BAIAP2: variants seen among roughly 807,000 people sequenced by gnomAD.
The protein encoded by BAIAP2 is BAR/IMD domain containing adaptor protein 2.
In BAIAP2, 18 loss-of-function variants were observed where a neutral mutation model predicts 63.0. The observed-to-expected ratio is 0.29, with a 90% confidence interval of 0.20 to 0.42. The LOEUF is 0.42. Ranked by LOEUF, BAIAP2 falls within the 10% of genes least tolerant of loss-of-function variation. BAIAP2 has a pLI of 1.00. For missense variants in BAIAP2, 610 were observed against 734.3 expected (o/e 0.83, Z 1.96); for synonymous variants, 386 against 307.6 (o/e 1.25, Z -2.67).
intron 13 of BAIAP2, chr17:81,109,866 A>T (rs535174634): frequency 5.4e-5 from 53 of 985,196 alleles, no homozygotes; most frequent in Admixed American, 6.1e-5. Context: ...GCCCCGGGCT[A>T]CCTGGCTGCT....
chr17:81,102,259 CAG>C (rs893611115), intron 7 of BAIAP2, among the ~76,000 whole-genome samples: 13 of 152,154 alleles, frequency 8.5e-5, no homozygotes, highest in South Asian at 2.1e-4. Flanking sequence ...TCGGGGCTCT[CAG>C]GGTGCGGGGG....
intron 1 of BAIAP2, among the ~76,000 whole-genome samples, chr17:81,049,002 C>T (rs1011231194): frequency 2.0e-5 from 3 of 152,212 alleles, no homozygotes; most frequent in South Asian, 2.1e-4. Flanking sequence ...GCAGGCCGGC[C>T]CAGGACCCCC....
Position 81,046,972 on chromosome 17 carries a change from G to A in BAIAP2, c.55-6696G>A, listed in dbSNP as rs983141142. Among the ~76,000 whole-genome samples the A allele has an allele frequency of 2.0e-5, 3 of 152,188 alleles. No homozygotes were observed. The highest frequency in any genetic ancestry group is 4.4e-5 in the Non-Finnish European group (3 of 68,022). ...GCTGCCACCGGCTTCTGCCTGTCGC[G>A]ACAGAGGTGGAAGTGAGGGCGGTGG... On this transcript the variant is annotated intron_variant, in intron 1 of 13. Transcript: ENST00000428708. This position sits in a 1 kb window ranked among gnomAD's most constrained non-coding sequence, Gnocchi z 4.5.
At chr17:81,054,748 T>G (rs1260160658) in intron 2 of BAIAP2, among the ~76,000 whole-genome samples, 1 of 152,118 alleles carries the variant, frequency 6.6e-6, no homozygotes, top group Admixed American at 6.5e-5. Context: ...TCCCACTGTC[T>G]CCCTGAGACG....
intron 6 of BAIAP2, among the ~76,000 whole-genome samples, chr17:81,097,126 C>T (rs975421844): frequency 2.0e-5 from 3 of 152,214 alleles, no homozygotes; most frequent in Admixed American, 6.5e-5. Flanking sequence ...CATCTCAGGT[C>T]CCCTTTAGGT....
intron 3 of BAIAP2, among the ~76,000 whole-genome samples, chr17:81,069,153 G>A (rs1321140232): frequency 2.0e-5 from 3 of 152,166 alleles, no homozygotes; most frequent in Non-Finnish European, 2.9e-5. Context: ...TGGTAGCTCC[G>A]AATGGTGGGT....
At chr17:81,095,189 G>A (rs1243208976) in intron 6 of BAIAP2, among the ~76,000 whole-genome samples, 1 of 152,084 alleles carries the variant, frequency 6.6e-6, no homozygotes, top group African/African-American at 2.4e-5. Flanking sequence ...GGCGGGCGGG[G>A]ACTGGAGGGG....
At chr17:81,065,887 C>T (rs2051368852) in intron 3 of BAIAP2, among the ~76,000 whole-genome samples, 1 of 152,252 alleles carries the variant, frequency 6.6e-6, no homozygotes, top group South Asian at 2.1e-4. Flanking sequence ...TCTAATCACC[C>T]TGTAGAGAGT....
At chr17:81,038,894 C>A (rs1468392989) in intron 1 of BAIAP2, among the ~76,000 whole-genome samples, 1 of 27,782 alleles carries the variant, frequency 3.6e-5, no homozygotes, top group Non-Finnish European at 8.4e-5. Flanking sequence ...GAGTCGCCTT[C>A]CTGGGTGGGG....
chr17:81,086,369 G>A (rs1025396481), intron 5 of BAIAP2, 74 bp from the exon 6 acceptor site: 21 of 1,568,822 alleles, frequency 1.3e-5, no homozygotes, highest in Non-Finnish European at 1.6e-5. Flanking sequence ...CATGGGCCTC[G>A]GTTTTGCTGC....
At chr17:81,091,930 G>A (rs2056841726) in intron 6 of BAIAP2, among the ~76,000 whole-genome samples, 1 of 152,250 alleles carries the variant, frequency 6.6e-6, no homozygotes, top group Non-Finnish European at 1.5e-5. Flanking sequence ...CCATGTGGGT[G>A]GTGCATGCAG....
chr17:81,053,654 C>T lies in BAIAP2; in HGVS notation c.55-14C>T, dbSNP rs2049023668. 1 of 1,613,936 alleles carries T rather than the reference C, an allele frequency of 6.2e-7. No homozygotes were observed. Among genetic ancestry groups the T allele is most frequent in the Non-Finnish European group, 8.5e-7 (1 of 1,179,912 alleles). The stretch of plus-strand genomic sequence containing the variant: ...CTCTGCCAGTAATGCTGTTTCTTCT[C>T]TGCTTTCTTCCAGACCATCATGGAG... On this transcript the variant is annotated splice_polypyrimidine_tract_variant and intron_variant, in intron 1 of 13. Transcript: ENST00000428708.
intron 6 of BAIAP2, chr17:81,098,128 C>A: frequency 6.9e-7 from 1 of 1,441,894 alleles, no homozygotes; most frequent in Non-Finnish European, 9.1e-7. Flanking sequence ...ATGCTCCTCC[C>A]AGAGGGACAG....
At chr17:81,098,139 A>G (rs2057950592) in intron 6 of BAIAP2, 1 of 1,457,274 alleles carries the variant, frequency 6.9e-7, no homozygotes, top group Non-Finnish European at 9.1e-7. Context: ...AGAGGGACAG[A>G]GGCAGAGAGC....
chr17:81,070,864 G>A (rs912595938), intron 3 of BAIAP2, among the ~76,000 whole-genome samples: 13 of 152,232 alleles, frequency 8.5e-5, no homozygotes, highest in South Asian at 6.2e-4. Context: ...GTGATGGTGC[G>A]TTGCTGGTCC....
chr17:81,110,137 G>C (rs2059732323), intron 13 of BAIAP2: 1 of 985,524 alleles, frequency 1.0e-6, no homozygotes, highest in Non-Finnish European at 1.2e-6. Context: ...GGAGCCCCTG[G>C]GAAGCTGCGG....
intron 6 of BAIAP2, among the ~76,000 whole-genome samples, chr17:81,096,807 C>G (rs552462510): frequency 1.3e-5 from 2 of 152,254 alleles, no homozygotes; most frequent in Non-Finnish European, 2.9e-5. Flanking sequence ...CTGTCGCACT[C>G]TACCCCTTCC....
At chr17:81,061,436 T>A (rs142720220) in intron 3 of BAIAP2, among the ~76,000 whole-genome samples, 2 of 152,290 alleles carry the variant, frequency 1.3e-5, no homozygotes, top group African/African-American at 4.8e-5. Flanking sequence ...GGGCCCTCCC[T>A]CCCCATCTCC....
chr17:81,085,658 A>G lies in BAIAP2; in HGVS notation c.284A>G (p.Lys95Arg), dbSNP rs948958629. 1.2e-6 allele frequency: 2 copies of G among 1,613,666 alleles called. No homozygotes were observed. The highest frequency in any genetic ancestry group is 1.7e-6 in the Non-Finnish European group (2 of 1,179,808). The change falls in exon 5 of 14, where the codon AAG (lysine) becomes AGG (arginine). Residue 95 changes from lysine (K) to arginine (R), a missense_variant. By Grantham distance (26) the Lys-to-Arg change is conservative. Coordinates refer to ENST00000428708, the MANE Select transcript of BAIAP2 (RefSeq NM_001144888.2). ...QIQNQLEEMLKSFHNELLTQL... is the reference protein window; with the variant it reads ...QIQNQLEEMLRSFHNELLTQL... ...GTGTTTTCTCTCCATGTCCAGCTGA[A>G]GTCTTTTCACAACGAGCTGCTTACG... is the stretch of plus-strand genomic sequence containing the variant.
Sources: allele counts gnomAD v4.1 joint callset (sites outside exome capture counted in the v4.1 genomes callset), GRCh38; gene constraint gnomAD v4.1.1; non-coding constraint Gnocchi (gnomAD v3.1); transcripts MANE v1.5; gene names NCBI Gene and HGNC (gene_info 2026-07-23, HGNC 2026-07-21).